The following CSMD1 variants were observed in gnomAD, a reference collection of about 807,000 sequenced individuals.
The protein encoded by CSMD1 is CUB and Sushi multiple domains 1.
In CSMD1, 213 loss-of-function variants were observed where a neutral mutation model predicts 417.5. The observed-to-expected ratio is 0.51, with a 90% confidence interval of 0.46 to 0.57. CSMD1 has a LOEUF of 0.57. Among genes scored for constraint, CSMD1 ranks in the 20% least tolerant of loss-of-function variants. CSMD1 has a pLI of 0.00. For missense variants in CSMD1, 6,923 were observed against 4,529.7 expected (o/e 1.53, Z -15.17); for synonymous variants, 2,862 against 1,736.8 (o/e 1.65, Z -16.11).
chr8:3,449,062 A>G (rs900956660), intron 12 of CSMD1, among the ~76,000 whole-genome samples: 9 of 152,224 alleles, frequency 5.9e-5, no homozygotes, highest in East Asian at 5.8e-4. Flanking sequence ...AAAGGATCAC[A>G]TGAAAACTTG....
intron 12 of CSMD1, among the ~76,000 whole-genome samples, chr8:3,464,854 C>G (rs1488021778): frequency 6.6e-6 from 1 of 152,060 alleles, no homozygotes; most frequent in African/African-American, 2.4e-5. Flanking sequence ...AAGCTTACCT[C>G]TCTCCCATTA....
chr8:3,256,682 G>A (rs915676014), intron 26 of CSMD1, among the ~76,000 whole-genome samples: 48 of 152,200 alleles, frequency 3.2e-4, no homozygotes, highest in Non-Finnish European at 2.9e-5. Flanking sequence ...ACTGGATCCT[G>A]CAGCCACCCA....
intron 1 of CSMD1, among the ~76,000 whole-genome samples, chr8:4,843,680 G>C (rs1235195233): frequency 1.3e-5 from 2 of 152,102 alleles, no homozygotes; most frequent in Non-Finnish European, 2.9e-5. Flanking sequence ...AATTATTTTG[G>C]TATGTGTTTT....
chr8:4,122,826 C>T (rs780923510), intron 3 of CSMD1, among the ~76,000 whole-genome samples: 1 of 152,194 alleles, frequency 6.6e-6, no homozygotes, highest in African/African-American at 2.4e-5. Flanking sequence ...CCCCCTCCCT[C>T]TGTAACAGAG....
In CSMD1 at chr8:3,188,922, A is replaced by G. The variant is rs1438674504; in HGVS notation, c.5488T>C (p.Trp1830Arg). Residue 1830 changes from tryptophan to arginine, a missense_variant, in exon 35 of 70, where the codon TGG becomes CGG. Coordinates refer to ENST00000635120, the MANE Select transcript of CSMD1 (RefSeq NM_033225.6). ...GAGCCCTCCGTAACTATGATCTTCCATATACAGTTCAAGTTGTTTCCGTAT... is the reference window on the plus strand; with the variant it reads ...GAGCCCTCCGTAACTATGATCTTCCGTATACAGTTCAAGTTGTTTCCGTAT... ...EPYGNNLNCIWKIIVTEGSGI... is the reference protein window; with the variant it reads ...EPYGNNLNCIRKIIVTEGSGI... 6.2e-7 allele frequency: 1 copy of G among 1,605,428 alleles called. No homozygotes were observed. The highest frequency in any genetic ancestry group is 1.1e-5 in the South Asian group (1 of 89,136).
chr8:4,203,923 A>C (rs1799819878), intron 3 of CSMD1, among the ~76,000 whole-genome samples: 1 of 152,084 alleles, frequency 6.6e-6, no homozygotes, highest in African/African-American at 2.4e-5. Context: ...AAATATGGCG[A>C]AACCTCATCT....
intron 28 of CSMD1, among the ~76,000 whole-genome samples, chr8:3,220,959 C>A (rs1257634482): frequency 6.6e-6 from 1 of 152,148 alleles, no homozygotes; most frequent in Non-Finnish European, 1.5e-5. Flanking sequence ...TACAAAGCTC[C>A]TACTCCCTTT....
chr8:3,376,014 C>G (rs188769146), intron 18 of CSMD1, among the ~76,000 whole-genome samples: 23 of 152,288 alleles, frequency 1.5e-4, no homozygotes, highest in Admixed American at 2.6e-4. Flanking sequence ...ACTTCTTTAT[C>G]CTCATCCACT....
intron 48 of CSMD1, among the ~76,000 whole-genome samples, chr8:3,089,191 C>G (rs1464063859): frequency 2.0e-5 from 3 of 152,192 alleles, no homozygotes; most frequent in African/African-American, 7.2e-5. Context: ...TTCCACTCTG[C>G]TGGTGCAGCC....
rs759268228 is a variant in CSMD1, at chr8:4,530,314, C to CTTTTTTTTTTTTTTT, written c.302+107013_302+107027dup. On this transcript the variant is annotated intron_variant, in intron 2 of 69. Coordinates refer to ENST00000635120, the MANE Select transcript of CSMD1 (RefSeq NM_033225.6). ...TTCACAGTTTATCGTACAGGTAGTG[C>CTTTTTTTTTTTTTTT]TTTTTTTTTTTTTTTTTTTTTTTTT... Among the ~76,000 whole-genome samples the CTTTTTTTTTTTTTTT allele has an allele frequency of 6.4e-4, 30 of 46,684 alleles. 5 individuals carry two copies. Among genetic ancestry groups the CTTTTTTTTTTTTTTT allele is most frequent in the South Asian group, 1.4e-3 (1 of 706 alleles). The allele number at this position is 46,684 out of a possible 152,430, so 30.6% of individuals were successfully genotyped here.
In CSMD1 at chr8:4,869,321, G is replaced by T. The variant is rs1011264627; in HGVS notation, c.85+125011C>A. Among the ~76,000 whole-genome samples the T allele has an allele frequency of 1.3e-5, 2 of 151,980 alleles. 1 individual carries two copies. The highest frequency in any genetic ancestry group is 4.8e-5 in the African/African-American group (2 of 41,344). On this transcript the variant is annotated intron_variant, in intron 1 of 69. Coordinates refer to ENST00000635120, the MANE Select transcript of CSMD1 (RefSeq NM_033225.6). ...ATTTGATGGAAACAGTGGAGGAGTT[G>T]TGTCTGTAGGGAAACTGGATCTCTT...
chr8:3,598,954 A>G (rs1801222798), intron 8 of CSMD1, among the ~76,000 whole-genome samples: 1 of 152,022 alleles, frequency 6.6e-6, no homozygotes, highest in Admixed American at 6.6e-5. Context: ...GGTGGAGTGC[A>G]CCTGTAATCC....
chr8:4,440,195 A>T (rs1206695169), intron 2 of CSMD1, among the ~76,000 whole-genome samples: 2 of 152,144 alleles, frequency 1.3e-5, no homozygotes, highest in African/African-American at 2.4e-5. Context: ...AAATCTTTTG[A>T]TCCAGCAACC....
chr8:3,375,868 T>A (rs1499688), intron 18 of CSMD1, among the ~76,000 whole-genome samples: 7 of 151,930 alleles, frequency 4.6e-5, no homozygotes, highest in Non-Finnish European at 7.4e-5. Context: ...GACCTCTTTT[T>A]TTCTCTTTGC....
intron 50 of CSMD1, among the ~76,000 whole-genome samples, chr8:3,036,210 C>T (rs530893637): frequency 1.3e-5 from 2 of 152,180 alleles, no homozygotes; most frequent in East Asian, 3.9e-4. Flanking sequence ...ACTCATTCAG[C>T]CAGTGACAGG....
At chr8:3,574,832 T>A (rs1800081071) in intron 10 of CSMD1, 113 bp downstream of exon 10, 2 of 1,268,382 alleles carry the variant, frequency 1.6e-6, no homozygotes, top group Non-Finnish European at 2.2e-6. Context: ...AACTTTTAAA[T>A]TCAAACAGTA....
At chr8:4,102,298 G>T (rs542881316) in intron 3 of CSMD1, among the ~76,000 whole-genome samples, 1 of 152,120 alleles carries the variant, frequency 6.6e-6, no homozygotes, top group African/African-American at 2.4e-5. Context: ...GAGAAATCAT[G>T]ATCTTAGCTT....
intron 7 of CSMD1, among the ~76,000 whole-genome samples, chr8:3,698,686 T>C (rs941527200): frequency 1.3e-5 from 2 of 152,210 alleles, no homozygotes; most frequent in Non-Finnish European, 2.9e-5. Context: ...TGGTATTCCT[T>C]AATAATATTA....
chr8:3,151,638 T>A (rs947821471), intron 39 of CSMD1, 125 bp from the exon 40 acceptor site: 1 of 636,788 alleles, frequency 1.6e-6, no homozygotes, highest in East Asian at 2.7e-5. Context: ...TGCCCCTAAT[T>A]ACAGCACACG....
Sources: gnomAD v4.1 joint callset for allele counts (sites outside exome capture counted in the v4.1 genomes callset) on GRCh38, gnomAD v4.1.1 for gene constraint, MANE v1.5 for transcripts, NCBI Gene and HGNC (gene_info 2026-07-23, HGNC 2026-07-21) for gene names.